CAST: variants seen among roughly 807,000 people sequenced by gnomAD.
CAST encodes the protein calpastatin.
Under a neutral mutation model 119.6 loss-of-function variants are expected in CAST, and 76 were observed. The observed-to-expected ratio is 0.64, with a 90% CI of 0.53 to 0.77. The LOEUF (loss-of-function observed/expected upper bound fraction) is 0.77, where lower values mean the gene tolerates loss of function less well. Among genes scored for constraint, CAST ranks in the 30% least tolerant of loss-of-function variants. The probability of loss-of-function intolerance (pLI) is 0.00; values close to 1 mark genes in which losing one functional copy is unlikely to be tolerated. For missense variants in CAST, 953 were observed against 946.5 expected, an observed-to-expected ratio of 1.01 and a Z score of -0.09; for synonymous variants, 319 against 331.6, an observed-to-expected ratio of 0.96 and a Z score of 0.41.
At chr5:96,423,397 T>C in the CAST span, 3 of 1,614,098 alleles carry the variant, frequency 1.9e-6, no homozygotes, top group South Asian at 2.2e-5. Flanking sequence ...TAATGCCTTT[T>C]TGCCAAACAG....
In CAST at chr5:96,668,358, A is replaced by T. The variant is rs543974148; in HGVS notation, c.75+5861A>T. Among the ~76,000 whole-genome samples the T allele has an allele frequency of 2.2e-4, 34 of 152,334 alleles. No homozygotes were observed. The South Asian group carries it at 5.8e-3, about 26-fold the overall frequency. On this transcript the variant is annotated intron_variant, in intron 1 of 31. Coordinates refer to ENST00000675179, the MANE Select transcript of CAST (RefSeq NM_001750.7). ...GAGATAGACAAAGTACTAAACAAAA[A>T]CTTAATCAGATGAACCTGATAAGGT...
At chr5:96,746,283 A>G in intron 16 of CAST, 59 bp from the exon 17 acceptor site, 1 of 923,152 alleles carries the variant, frequency 1.1e-6, no homozygotes, top group African/African-American at 1.6e-5. Flanking sequence ...AGAGGAAGTG[A>G]TATCATCTCA....
the CAST span, chr5:96,412,912 AT>A: frequency 3.4e-3 from 3,426 of 994,472 alleles, 145 homozygotes; most frequent in African/African-American, 0.059. Context: ...CCCCAACTAA[AT>A]GACAGACCAG....
the CAST span, among the ~76,000 whole-genome samples, chr5:96,201,010 G>T: frequency 3.3e-5 from 5 of 152,092 alleles, no homozygotes; most frequent in Non-Finnish European, 7.4e-5. Context: ...TAATAAAAGA[G>T]CATTGAAAAG....
chr5:96,392,986 G>A, the CAST span: 6 of 1,613,602 alleles, frequency 3.7e-6, no homozygotes, highest in Middle Eastern at 1.6e-4. Flanking sequence ...TCCAACTTGG[G>A]ACCACACACT....
chr5:96,487,532 C>T, the CAST span, among the ~76,000 whole-genome samples: 1 of 152,110 alleles, frequency 6.6e-6, no homozygotes, highest in Non-Finnish European at 1.5e-5. Flanking sequence ...GTGAGTTGGT[C>T]CATGAGACAA....
chr5:96,424,350 T>G, the CAST span, among the ~76,000 whole-genome samples: 4 of 152,168 alleles, frequency 2.6e-5, no homozygotes, highest in Non-Finnish European at 5.9e-5. Flanking sequence ...CACAGATTGT[T>G]GGCCAAAGTC....
chr5:96,289,120 G>C, the CAST span, among the ~76,000 whole-genome samples: 4 of 151,214 alleles, frequency 2.6e-5, no homozygotes, highest in Non-Finnish European at 5.9e-5. Context: ...AAAACCCTTA[G>C]AATACTTTGG....
chr5:96,536,525 T>C (rs907610080), intron 1 of CAST, among the ~76,000 whole-genome samples: 6 of 152,144 alleles, frequency 3.9e-5, no homozygotes, highest in Non-Finnish European at 7.3e-5. Flanking sequence ...AGTTGGTCTG[T>C]AGAGGATTAA....
intron 3 of CAST, among the ~76,000 whole-genome samples, chr5:96,697,768 T>C (rs1753469117): frequency 6.6e-6 from 1 of 152,208 alleles, no homozygotes; most frequent in Non-Finnish European, 1.5e-5. Context: ...TTCAGTTTCT[T>C]CATCTGTAAA....
intron 1 of CAST, among the ~76,000 whole-genome samples, chr5:96,642,997 A>G (rs1747970484): frequency 1.6e-5 from 2 of 126,814 alleles, no homozygotes; most frequent in Admixed American, 1.6e-4. Context: ...GAGACCAGAG[A>G]GGTTGAGTAA....
At chr5:96,493,700 C>T in the CAST span, among the ~76,000 whole-genome samples, 1 of 152,112 alleles carries the variant, frequency 6.6e-6, no homozygotes, top group Non-Finnish European at 1.5e-5. Context: ...CCAAGAAAAG[C>T]ATCAAAATAT....
At chr5:95,982,158 G>A in the CAST span, among the ~76,000 whole-genome samples, 1 of 151,446 alleles carries the variant, frequency 6.6e-6, no homozygotes, top group Non-Finnish European at 1.5e-5. Flanking sequence ...ATGTAATACA[G>A]TATAATATGT....
intron 1 of CAST, among the ~76,000 whole-genome samples, chr5:96,619,165 C>G (rs575523305): frequency 2.0e-4 from 31 of 151,812 alleles, no homozygotes; most frequent in East Asian, 1.2e-3. Context: ...GTGTCTAGCT[C>G]AGGGATTGTA....
chr5:96,409,217 T>C, the CAST span, among the ~76,000 whole-genome samples: 1 of 152,198 alleles, frequency 6.6e-6, no homozygotes, highest in African/African-American at 2.4e-5. Context: ...AAGGGATTAC[T>C]AACAAGACAC....
chr5:96,187,943 C>T, the CAST span, among the ~76,000 whole-genome samples: 1 of 152,154 alleles, frequency 6.6e-6, no homozygotes, highest in Admixed American at 6.6e-5. Flanking sequence ...AAATATTTGC[C>T]TAGGATTCTG....
the CAST span, among the ~76,000 whole-genome samples, chr5:96,334,042 C>T: frequency 7.3e-3 from 1,119 of 152,276 alleles, 13 homozygotes; most frequent in African/African-American, 0.026. Flanking sequence ...TCACTATTAG[C>T]AAACTTGCTA....
At chr5:96,381,561 A>C in the CAST span, among the ~76,000 whole-genome samples, 1 of 152,228 alleles carries the variant, frequency 6.6e-6, no homozygotes, top group Non-Finnish European at 1.5e-5. Context: ...TATGGTCAAT[A>C]ACAGTCACAC....
At chr5:96,295,591 C>T in the CAST span, among the ~76,000 whole-genome samples, 1 of 152,070 alleles carries the variant, frequency 6.6e-6, no homozygotes, top group Non-Finnish European at 1.5e-5. Context: ...ATATTTTAGT[C>T]TAGGAAACCA....
Sources: allele counts gnomAD v4.1 joint callset (sites outside exome capture counted in the v4.1 genomes callset), GRCh38; gene constraint gnomAD v4.1.1; transcripts MANE v1.5; gene names NCBI Gene and HGNC (gene_info 2026-07-23, HGNC 2026-07-21).